Variants in TPPP2 observed in about 807,000 individuals in gnomAD.
TPPP2 encodes tubulin polymerization-promoting protein family member 2.
A neutral mutation model predicts 13.0 loss-of-function variants in TPPP2; 8 were observed. That is an observed-to-expected ratio of 0.62 (90% confidence interval 0.36 to 1.11). TPPP2 has a LOEUF of 1.11. Among genes scored for constraint, TPPP2 ranks in the 50% most tolerant of loss-of-function variants. TPPP2 has a pLI of 0.02. For missense variants in TPPP2, 213 were observed against 216.9 expected (o/e 0.98, Z 0.11); for synonymous variants, 81 against 81.8 (o/e 0.99, Z 0.05).
At position 21,032,479 on chromosome 14, in the gene TPPP2, G is replaced by A. The variant is rs747672551; in HGVS notation, c.*402G>A. The A allele has an allele frequency of 4.7e-5, 18 of 384,380 alleles. No individual in the cohort carries two copies. The highest frequency in any genetic ancestry group is 1.3e-4 in the African/African-American group (6 of 47,776). 23.8% of individuals were successfully genotyped at this position (384,380 alleles called of 1,614,324 possible). A position where few individuals can be genotyped will look rare whatever the true frequency, so the allele number is the denominator to read the frequency against. ...AGCAATTCCTCACGTGATGGACTAT[G>A]ACTATATCACATATTAGATCCTTCC... On this transcript the variant is annotated 3_prime_UTR_variant, in exon 4 of 4. Coordinates refer to ENST00000321760, the MANE Select transcript of TPPP2 (RefSeq NM_173846.5).
downstream of TPPP2, chr14:21,036,211 G>C (rs936901223): frequency 4.4e-6 from 2 of 456,056 alleles, no homozygotes; most frequent in African/African-American, 4.0e-5. Flanking sequence ...CGTCTCGCCT[G>C]GACAGCACAC....
chr14:21,031,859 G>A, intron 3 of TPPP2, 33 bp from the exon 4 acceptor site: 2 of 1,604,238 alleles, frequency 1.2e-6, no homozygotes, highest in Non-Finnish European at 1.7e-6. Flanking sequence ...CGTAAGGAAA[G>A]GAAGAGAGCT....
downstream of TPPP2, chr14:21,033,522 C>G (rs1884390643): frequency 2.3e-6 from 1 of 439,498 alleles, no homozygotes; most frequent in African/African-American, 2.0e-5. Flanking sequence ...AGTGGGTGGA[C>G]AGTCACTGCC....
upstream of TPPP2, chr14:21,025,847 A>T (rs891008212): frequency 4.4e-5 from 10 of 228,978 alleles, no homozygotes; most frequent in Non-Finnish European, 5.6e-5. This position sits in a 1 kb window ranked among gnomAD's most constrained non-coding sequence, Gnocchi z 5.1. Context: ...TCTGGGGTCA[A>T]TGCCTCAAGG....
downstream of TPPP2, chr14:21,036,126 C>CGGACT (rs1455373492): frequency 8.0e-5 from 36 of 451,520 alleles, no homozygotes; most frequent in Admixed American, 8.3e-4. Context: ...GTCCATCAGT[C>CGGACT]ACACAGCCCT....
rs1372230785 is a variant in TPPP2 at position 21,032,367 on chromosome 14, A to T, written c.*290A>T. ...AGAATATATTTGGAGTAAAGAGATGAACCAGATGTGGAGGTAAAAGTATCT... is the reference window on the plus strand; with the variant it reads ...AGAATATATTTGGAGTAAAGAGATGTACCAGATGTGGAGGTAAAAGTATCT... On this transcript the variant is annotated 3_prime_UTR_variant, in exon 4 of 4. Transcript: ENST00000321760. The T allele has an allele frequency of 4.0e-6, 2 of 503,730 alleles. No homozygotes were observed. The highest frequency in any genetic ancestry group is 7.5e-6 in the Non-Finnish European group (2 of 265,194). The allele number at this position is 503,730 out of a possible 1,614,324, so 31.2% of individuals were successfully genotyped here.
chr14:21,024,582 C>T, intron 1 of TPPP2: 1 of 985,496 alleles, frequency 1.0e-6, no homozygotes, highest in Non-Finnish European at 1.2e-6. Context: ...GGTGCCGTCG[C>T]TTCTCTCCTC....
upstream of TPPP2, chr14:21,029,182 G>A (rs1193028534): frequency 1.3e-5 from 2 of 152,218 alleles, no homozygotes; most frequent in Non-Finnish European, 2.9e-5. Context: ...TTTAAAGCCA[G>A]TGGGATTCTC....
Position 21,031,035 on chromosome 14 carries a change from C to T in TPPP2, c.197C>T (p.Thr66Met), listed in dbSNP as rs767894947. The T allele has an allele frequency of 4.3e-6, 7 of 1,613,108 alleles. No individual in the cohort carries two copies. Among genetic ancestry groups the T allele is most frequent in the African/African-American group, 2.7e-5 (2 of 74,876 alleles). ...KVKAKNARTI[T>M]FQQFKEAVKE... ...AGGGCCAAGAACGCCCGAACCATCA[C>T]GTTTCAACAGTTCAAAGAGGCAGTG... Residue 66 changes from threonine to methionine, a missense_variant, in exon 3 of 4, where the codon ACG (threonine) becomes ATG (methionine). Coordinates refer to ENST00000321760, the MANE Select transcript of TPPP2 (RefSeq NM_173846.5).
downstream of TPPP2, chr14:21,033,851 T>G (rs1412127419): frequency 6.2e-7 from 1 of 1,613,746 alleles, no homozygotes; most frequent in South Asian, 1.1e-5. Context: ...CGATACCTAT[T>G]GGATCAGCTT....
At chr14:21,027,664 C>T (rs1236349268), upstream of TPPP2, among the ~76,000 whole-genome samples, 1 of 152,234 alleles carries the variant, frequency 6.6e-6, no homozygotes, top group Non-Finnish European at 1.5e-5. Context: ...AATACCTACA[C>T]ATGCAAGGCA....
chr14:21,024,848 C>T (rs1410443505), intron 1 of TPPP2: 2 of 985,680 alleles, frequency 2.0e-6, no homozygotes, highest in African/African-American at 3.5e-5. Flanking sequence ...CTCGCGCGCA[C>T]CCCAAACACG....
At chr14:21,028,509 C>T (rs1185442686), upstream of TPPP2, 1 of 152,138 alleles carries the variant, frequency 6.6e-6, no homozygotes, top group Non-Finnish European at 1.5e-5. Flanking sequence ...CCACTGTGCC[C>T]TGCCCAAGAA....
At position 21,030,680 on chromosome 14, in the gene TPPP2, G is replaced by C. The variant is rs761889310; in HGVS notation, c.99G>C (p.Leu33=). 1 of 1,614,064 alleles carries C rather than the reference G, an allele frequency of 6.2e-7. No homozygotes were observed. Among genetic ancestry groups the C allele is most frequent in the South Asian group, 1.1e-5 (1 of 91,066 alleles). Residue 33 remains leucine, a synonymous_variant, in exon 2 of 4, where the codon CTG becomes CTC. Transcript: ENST00000321760. The part of the protein sequence containing the change: ...TEMNNKNFSK[L]CKDCGIMDGK... The stretch of plus-strand genomic sequence containing the variant: ...TGAACAACAAGAACTTCTCCAAGCT[G>C]TGCAAAGACTGTGGCATCATGGATG...
downstream of TPPP2, chr14:21,035,871 C>A: frequency 4.4e-6 from 2 of 455,710 alleles, no homozygotes; most frequent in Non-Finnish European, 8.8e-6. Context: ...TACGGGGAGG[C>A]GGTCCTGCAT....
chr14:21,029,978 G>C (rs555579281), upstream of TPPP2, among the ~76,000 whole-genome samples: 71 of 152,306 alleles, frequency 4.7e-4, no homozygotes, highest in Admixed American at 1.0e-3. Flanking sequence ...CTTCTGTTGT[G>C]GGGCAGAGCA....
At chr14:21,025,247 C>T, upstream of TPPP2, 2 of 845,788 alleles carry the variant, frequency 2.4e-6, no homozygotes, top group Non-Finnish European at 2.8e-6. This position sits in a 1 kb window ranked among gnomAD's most constrained non-coding sequence, Gnocchi z 5.1. Context: ...GGGCGAGGGG[C>T]GGGCGGCTGG....
At chr14:21,026,152 GCACA>G (rs147701833), upstream of TPPP2, among the ~76,000 whole-genome samples, 3 of 149,710 alleles carry the variant, frequency 2.0e-5, no homozygotes, top group Non-Finnish European at 3.0e-5. Flanking sequence ...ACACGCACAC[GCACA>G]CACACACACA....
chr14:21,026,794 G>A (rs1271890722), upstream of TPPP2, among the ~76,000 whole-genome samples: 3 of 152,030 alleles, frequency 2.0e-5, no homozygotes, highest in Admixed American at 2.0e-4. Flanking sequence ...GGGCACCCTG[G>A]CTCCTCTCCT....
Sources: gnomAD v4.1 joint callset for allele counts (sites outside exome capture counted in the v4.1 genomes callset) on GRCh38, gnomAD v4.1.1 for gene constraint, Gnocchi (gnomAD v3.1) non-coding constraint, MANE v1.5 for transcripts, NCBI Gene and HGNC (gene_info 2026-07-23, HGNC 2026-07-21) for gene names.